THRAP3: variants seen among roughly 807,000 people sequenced by gnomAD.
The protein encoded by THRAP3 is thyroid hormone receptor associated protein 3.
THRAP3 carries 16 observed loss-of-function variants against 101.0 expected under a neutral mutation model. That is an observed-to-expected ratio of 0.16 (90% CI 0.11 to 0.24). THRAP3 has a LOEUF of 0.24. Ranked by LOEUF, THRAP3 falls within the 10% of genes least tolerant of loss-of-function variation. The probability of loss-of-function intolerance (pLI) is 1.00; values close to 1 mark genes in which losing one functional copy is unlikely to be tolerated. For synonymous variants in THRAP3, 407 were observed against 422.6 expected, an observed-to-expected ratio of 0.96 and a Z score of 0.45; for missense variants, 989 against 1,202.7, an observed-to-expected ratio of 0.82 and a Z score of 2.63.
chr1:36,238,301 A>C (rs1645115263), intron 1 of THRAP3, among the ~76,000 whole-genome samples: 1 of 152,070 alleles, frequency 6.6e-6, no homozygotes, highest in Non-Finnish European at 1.5e-5. Flanking sequence ...ACCACATTTG[A>C]TGTTACTTGA....
Position 36,286,929 on chromosome 1 carries a change from A to G in THRAP3, c.699A>G (p.Ala233=). The change falls in exon 4 of 12, where the codon GCA becomes GCG. Residue 233 remains alanine, a synonymous_variant. Coordinates refer to ENST00000354618, the MANE Select transcript of THRAP3 (RefSeq NM_005119.4). This position sits in a 1 kb window ranked among gnomAD's most constrained non-coding sequence, Gnocchi z 5.5. ...ATGCCACCTACGGCACTGGTTCTGC[A>G]TCACGGGCCTCAGCAGTTTCTGAGC... is the stretch of plus-strand genomic sequence containing the variant. The part of the protein sequence containing the change: ...WPDATYGTGS[A]SRASAVSELS... The G allele has an allele frequency of 6.2e-7, 1 of 1,614,236 alleles. No individual in the cohort carries two copies.
intron 1 of THRAP3, among the ~76,000 whole-genome samples, chr1:36,255,646 G>C (rs1645363634): frequency 6.7e-6 from 1 of 149,504 alleles, no homozygotes; most frequent in Non-Finnish European, 1.5e-5. Flanking sequence ...GGTTGTGCAT[G>C]CCTGTAATCC....
At chr1:36,217,956 T>A in the THRAP3 span, among the ~76,000 whole-genome samples, 2 of 152,116 alleles carry the variant, frequency 1.3e-5, no homozygotes, top group Non-Finnish European at 2.9e-5. Flanking sequence ...TCACTTTAAA[T>A]CAAAAGCTAG....
chr1:36,292,267 T>TTTTTTA, intron 6 of THRAP3, among the ~76,000 whole-genome samples: 1 of 89,970 alleles, frequency 1.1e-5, no homozygotes, highest in East Asian at 4.2e-4. Flanking sequence ...TTTGTTTCTT[T>TTTTTTA]TTTTTTTTTT....
intron 11 of THRAP3, 41 bp downstream of exon 11, chr1:36,301,737 T>C: frequency 1.6e-5 from 26 of 1,585,252 alleles, no homozygotes; most frequent in Non-Finnish European, 2.2e-5. Context: ...AGAGGGCCTT[T>C]GACACACAGA....
chr1:36,293,483 CTA>C (rs1411056260), intron 7 of THRAP3, among the ~76,000 whole-genome samples: 2 of 152,180 alleles, frequency 1.3e-5, no homozygotes, highest in East Asian at 3.9e-4. Flanking sequence ...GGTTTAAAGA[CTA>C]TTACATTTGG....
chr1:36,286,300 A>G lies in THRAP3; in HGVS notation c.138-68A>G. 1 of 1,467,810 alleles carries G rather than the reference A, an allele frequency of 6.8e-7. No individual in the cohort carries two copies. The highest frequency in any genetic ancestry group is 9.2e-7 in the Non-Finnish European group (1 of 1,089,902). The allele number at this position is 1,467,810 out of a possible 1,614,324, so 90.9% of individuals were successfully genotyped here. A position where few individuals can be genotyped will look rare whatever the true frequency, so the allele number is the denominator to read the frequency against. Reference sequence around the variant, plus strand: ...CACATAAGGGCAGGGATTTCAGAACAGATTTTTCTTGAATAAAAATGCTTG... The same window carrying G: ...CACATAAGGGCAGGGATTTCAGAACGGATTTTTCTTGAATAAAAATGCTTG... On this transcript the variant is annotated intron_variant, in intron 3 of 11. Coordinates refer to ENST00000354618, the MANE Select transcript of THRAP3 (RefSeq NM_005119.4). This position sits in a 1 kb window ranked among gnomAD's most constrained non-coding sequence, Gnocchi z 5.5.
Position 36,289,057 on chromosome 1 carries a change from T to C in THRAP3, c.1041-3T>C. On this transcript the variant is annotated splice_polypyrimidine_tract_variant and splice_region_variant and intron_variant, in intron 4 of 11. Transcript: ENST00000354618. ...TGTCTCTCTCTTGTGTTTTTATAAA[T>C]AGGTATCTAGAAGAGCAGAAGACAG... The C allele has an allele frequency of 6.4e-7, 1 of 1,556,980 alleles. No homozygotes were observed. Among genetic ancestry groups the C allele is most frequent in the Non-Finnish European group, 8.7e-7 (1 of 1,154,360 alleles).
chr1:36,267,145 A>G (rs1645525483), intron 2 of THRAP3, among the ~76,000 whole-genome samples: 1 of 152,066 alleles, frequency 6.6e-6, no homozygotes, highest in East Asian at 1.9e-4. Context: ...CGGCCTCCCA[A>G]AGTGCTGGTA....
chr1:36,283,505 T>G (rs1161733533), intron 3 of THRAP3, among the ~76,000 whole-genome samples: 3 of 152,200 alleles, frequency 2.0e-5, no homozygotes, highest in Non-Finnish European at 4.4e-5. Context: ...TTGGGAAATA[T>G]TGGTGTATTT....
Position 36,282,666 on chromosome 1 carries a change from C to G in THRAP3, c.103C>G (p.Arg35Gly). ...ATTTTCGAAGTCTCGGTCCCGAAGCCGATCTCTCTCTCGTTCAAGGAAGCG... is the reference window on the plus strand; with the variant it reads ...ATTTTCGAAGTCTCGGTCCCGAAGCGGATCTCTCTCTCGTTCAAGGAAGCG... ...RSFSKSRSRSRSLSRSRKRRL... is the reference protein window; with the variant it reads ...RSFSKSRSRSGSLSRSRKRRL... Residue 35 changes from arginine (R) to glycine (G), a missense_variant, in exon 3 of 12, where the codon CGA becomes GGA. By Grantham distance (125) the Arg-to-Gly change is moderately radical. Transcript: ENST00000354618. The G allele has an allele frequency of 6.2e-7, 1 of 1,614,018 alleles. No homozygotes were observed. The highest frequency in any genetic ancestry group is 8.5e-7 in the Non-Finnish European group (1 of 1,180,000).
intron 2 of THRAP3, among the ~76,000 whole-genome samples, chr1:36,274,598 G>T (rs1057083241): frequency 2.8e-5 from 4 of 142,836 alleles, no homozygotes; most frequent in African/African-American, 2.6e-5. Flanking sequence ...GTCCGGAAAT[G>T]AATCCTTACA....
intron 3 of THRAP3, among the ~76,000 whole-genome samples, chr1:36,283,587 G>A (rs1645759802): frequency 6.6e-6 from 1 of 151,952 alleles, no homozygotes. Flanking sequence ...GCAAGGAGAT[G>A]ATTTGTCATG....
chr1:36,263,050 T>A (rs1570285925), intron 2 of THRAP3, among the ~76,000 whole-genome samples: 1 of 149,746 alleles, frequency 6.7e-6, no homozygotes, highest in African/African-American at 2.5e-5. Context: ...GACCTCGTGA[T>A]CTGCCCACCT....
chr1:36,266,429 C>T (rs1486015049), intron 2 of THRAP3, among the ~76,000 whole-genome samples: 1 of 152,126 alleles, frequency 6.6e-6, no homozygotes, highest in East Asian at 1.9e-4. Context: ...TATTTTGGAA[C>T]CCATGGAAAA....
intron 2 of THRAP3, among the ~76,000 whole-genome samples, chr1:36,279,820 A>C (rs1645708894): frequency 6.6e-6 from 1 of 152,226 alleles, no homozygotes; most frequent in African/African-American, 2.4e-5. Context: ...TTTTATTTGA[A>C]TATAACAAAA....
chr1:36,217,372 G>A, the THRAP3 span, among the ~76,000 whole-genome samples: 1 of 151,956 alleles, frequency 6.6e-6, no homozygotes, highest in South Asian at 2.1e-4. Flanking sequence ...GGTCACTCAA[G>A]GAGAGAGGTC....
In THRAP3 at chr1:36,290,228, C is replaced by T. The variant is rs563816759; in HGVS notation, c.1745+464C>T. ...TTTTTTTTTTTGAGACGGGGTCTCC[C>T]TCTGTCACCCAGGCTGGAGTGCAGT... On this transcript the variant is annotated intron_variant, in intron 5 of 11. Transcript: ENST00000354618. 3.3e-5 allele frequency among the ~76,000 whole-genome samples: 5 copies of T among 152,076 alleles called. No individual in the cohort carries two copies. The South Asian group carries it at 8.3e-4, about 25-fold the overall frequency.
intron 2 of THRAP3, among the ~76,000 whole-genome samples, chr1:36,270,952 T>TC (rs1038475129): frequency 2.0e-5 from 3 of 152,050 alleles, no homozygotes; most frequent in African/African-American, 7.3e-5. Flanking sequence ...TGTACACAAC[T>TC]CATGGAATGT....
Sources: allele counts gnomAD v4.1 joint callset (sites outside exome capture counted in the v4.1 genomes callset), GRCh38; gene constraint gnomAD v4.1.1; non-coding constraint Gnocchi (gnomAD v3.1); transcripts MANE v1.5; gene names NCBI Gene and HGNC (gene_info 2026-07-23, HGNC 2026-07-21).